The following PRKG1 variants were observed in gnomAD, a reference collection of about 807,000 sequenced individuals.
PRKG1 encodes protein kinase cGMP-dependent 1, also known as cGMP-dependent protein kinase 1.
In PRKG1, 35 loss-of-function variants were observed where a neutral mutation model predicts 88.1. The ratio of observed to expected loss-of-function variants is 0.40; its 90% CI spans 0.30 to 0.53. The LOEUF (loss-of-function observed/expected upper bound fraction) is 0.53. PRKG1 is among the 20% of genes least tolerant of loss of function. The pLI, the probability that PRKG1 is intolerant of heterozygous loss-of-function variation, is 0.59. For synonymous variants in PRKG1, 303 were observed against 292.5 expected, an observed-to-expected ratio of 1.04 and a Z score of -0.37; for missense variants, 540 against 839.8, an observed-to-expected ratio of 0.64 and a Z score of 4.41.
intron 2 of PRKG1, among the ~76,000 whole-genome samples, chr10:51,397,231 T>A (rs1837604024): frequency 6.6e-6 from 1 of 151,994 alleles, no homozygotes. Context: ...TTAAAAGAAT[T>A]TAATCAGAGA....
intron 3 of PRKG1, among the ~76,000 whole-genome samples, chr10:51,566,415 C>T (rs1011899289): frequency 1.6e-4 from 24 of 152,034 alleles, no homozygotes; most frequent in South Asian, 2.1e-4. Flanking sequence ...ATTGAACAAG[C>T]GTTTTGAGTG....
chr10:51,253,641 G>A (rs954217301), intron 2 of PRKG1, among the ~76,000 whole-genome samples: 7 of 151,880 alleles, frequency 4.6e-5, no homozygotes, highest in Admixed American at 6.6e-5. Flanking sequence ...GAAGAATTTT[G>A]ACTTTCCTCT....
At chr10:52,142,660 C>A (rs1837613581) in intron 8 of PRKG1, among the ~76,000 whole-genome samples, 1 of 152,024 alleles carries the variant, frequency 6.6e-6, no homozygotes, top group South Asian at 2.1e-4. Context: ...ATCATCCTGG[C>A]TAAATATTTG....
chr10:51,391,237 A>G (rs1837390494), intron 2 of PRKG1, among the ~76,000 whole-genome samples: 1 of 152,242 alleles, frequency 6.6e-6, no homozygotes, highest in Non-Finnish European at 1.5e-5. Flanking sequence ...GAATGATTAT[A>G]AAACTTACCT....
chr10:51,276,617 C>T (rs1455593172), intron 2 of PRKG1, among the ~76,000 whole-genome samples: 1 of 152,150 alleles, frequency 6.6e-6, no homozygotes, highest in East Asian at 1.9e-4. Context: ...CACATCCTCT[C>T]CAGCACCTGT....
At chr10:51,682,180 G>A (rs929540714) in intron 3 of PRKG1, among the ~76,000 whole-genome samples, 7 of 152,164 alleles carry the variant, frequency 4.6e-5, no homozygotes, top group African/African-American at 1.7e-4. Context: ...GTCAAACAGA[G>A]TCAGCTGTTA....
At chr10:51,485,599 A>G (rs1840511311) in intron 3 of PRKG1, among the ~76,000 whole-genome samples, 2 of 152,218 alleles carry the variant, frequency 1.3e-5, no homozygotes, top group Admixed American at 6.5e-5. Flanking sequence ...ATTGTTCAAG[A>G]GAGGCAAGAT....
intron 6 of PRKG1, among the ~76,000 whole-genome samples, chr10:52,058,632 T>C (rs540569154): frequency 6.6e-6 from 1 of 152,096 alleles, no homozygotes; most frequent in South Asian, 2.1e-4. Flanking sequence ...CAGGGGAACC[T>C]TGACCTAGAC....
chr10:51,153,382 T>C (rs1352686373), intron 2 of PRKG1, 52 bp downstream of exon 2: 12 of 1,515,138 alleles, frequency 7.9e-6, no homozygotes, highest in African/African-American at 2.8e-5. Flanking sequence ...TTTTTCATCT[T>C]ATCAGCTGCA....
intron 4 of PRKG1, among the ~76,000 whole-genome samples, chr10:51,823,280 A>G (rs1839796006): frequency 6.6e-6 from 1 of 152,194 alleles, no homozygotes; most frequent in Non-Finnish European, 1.5e-5. Context: ...AAAGTCTAAC[A>G]TAATAGGAAG....
chr10:51,062,007 T>C (rs1843697431), intron 1 of PRKG1, among the ~76,000 whole-genome samples: 1 of 152,212 alleles, frequency 6.6e-6, no homozygotes, highest in Non-Finnish European at 1.5e-5. Flanking sequence ...TGTACCTAAT[T>C]GTTTTTTATT....
At chr10:51,016,675 T>TCTTTC (rs200296827) in intron 1 of PRKG1, among the ~76,000 whole-genome samples, 7 of 90,906 alleles carry the variant, frequency 7.7e-5, no homozygotes, top group African/African-American at 3.0e-4. Flanking sequence ...TATCCTTTCT[T>TCTTTC]TTTTTTTTTT....
At chr10:52,159,029 G>A (rs911520033) in intron 8 of PRKG1, among the ~76,000 whole-genome samples, 1 of 151,278 alleles carries the variant, frequency 6.6e-6, no homozygotes, top group Non-Finnish European at 1.5e-5. Flanking sequence ...AAGATTACAA[G>A]TATGAACAAC....
intron 7 of PRKG1, among the ~76,000 whole-genome samples, chr10:52,065,662 CAT>C (rs1172296769): frequency 6.6e-6 from 1 of 152,044 alleles, no homozygotes; most frequent in East Asian, 1.9e-4. Flanking sequence ...ATCTGATGAA[CAT>C]ATAGTTGCCA....
intron 3 of PRKG1, among the ~76,000 whole-genome samples, chr10:51,648,529 TA>T (rs1163540726): frequency 6.6e-6 from 1 of 152,198 alleles, no homozygotes; most frequent in Non-Finnish European, 1.5e-5. Flanking sequence ...GAGTACTCAC[TA>T]ATCTTCGCAG....
intron 5 of PRKG1, among the ~76,000 whole-genome samples, chr10:52,020,327 C>T (rs1410007079): frequency 6.6e-6 from 1 of 152,132 alleles, no homozygotes; most frequent in Non-Finnish European, 1.5e-5. Flanking sequence ...CTCCACAGAG[C>T]ATGTCAAAAG....
intron 5 of PRKG1, among the ~76,000 whole-genome samples, chr10:51,969,316 T>C (rs1434925208): frequency 1.3e-5 from 2 of 152,066 alleles, no homozygotes; most frequent in Non-Finnish European, 2.9e-5. Context: ...CCTCATAACT[T>C]TGTGAGAAAG....
intron 2 of PRKG1, among the ~76,000 whole-genome samples, chr10:51,436,026 T>C (rs899349030): frequency 1.3e-5 from 2 of 151,974 alleles, no homozygotes; most frequent in African/African-American, 4.8e-5. Flanking sequence ...GAACAGATGC[T>C]AAAATATAAT....
chr10:52,104,536 A>G (rs2132574243), intron 7 of PRKG1, among the ~76,000 whole-genome samples: 1 of 152,248 alleles, frequency 6.6e-6, no homozygotes, highest in Middle Eastern at 3.4e-3. Flanking sequence ...GGATAGAAAA[A>G]GGAAGTCATG....
Sources: allele counts gnomAD v4.1 joint callset (sites outside exome capture counted in the v4.1 genomes callset), GRCh38; gene constraint gnomAD v4.1.1; transcripts MANE v1.5; gene names NCBI Gene and HGNC (gene_info 2026-07-23, HGNC 2026-07-21).